The following EPS15 variants were observed in gnomAD, a reference collection of about 807,000 sequenced individuals.
EPS15 encodes the protein epidermal growth factor receptor substrate 15.
Under a neutral mutation model 113.8 loss-of-function variants are expected in EPS15, and 72 were observed. The observed-to-expected ratio is 0.63, with a 90% CI of 0.52 to 0.77. The LOEUF is 0.77. Ranked by LOEUF, EPS15 falls within the 30% of genes least tolerant of loss-of-function variation. EPS15 has a pLI of 0.00. For synonymous variants in EPS15, 344 were observed against 363.4 expected, an observed-to-expected ratio of 0.95 and a Z score of 0.61; for missense variants, 1,048 against 1,045.8, an observed-to-expected ratio of 1.00 and a Z score of -0.03.
At chr1:51,484,512 T>G (rs1373276013) in intron 1 of EPS15, among the ~76,000 whole-genome samples, 1 of 152,218 alleles carries the variant, frequency 6.6e-6, no homozygotes, top group Non-Finnish European at 1.5e-5. Flanking sequence ...ATCTCTACTG[T>G]GTATATCTAG....
intron 12 of EPS15, among the ~76,000 whole-genome samples, chr1:51,430,977 T>TACACACAC (rs67920039): frequency 3.2e-4 from 39 of 122,084 alleles, no homozygotes; most frequent in East Asian, 2.0e-3. Context: ...ATTACTTACA[T>TACACACAC]ACACACACAC....
intron 4 of EPS15, among the ~76,000 whole-genome samples, chr1:51,470,301 A>G (rs1211293368): frequency 6.6e-6 from 1 of 152,204 alleles, no homozygotes; most frequent in African/African-American, 2.4e-5. Context: ...CATTTTTGTC[A>G]CATGGAAATT....
At chr1:51,394,650 A>G (rs1292138621) in intron 20 of EPS15, among the ~76,000 whole-genome samples, 2 of 152,232 alleles carry the variant, frequency 1.3e-5, no homozygotes, top group East Asian at 3.8e-4. Context: ...ACTGTGAAAT[A>G]TAACATCTAT....
At chr1:51,391,114 C>T (rs1647308202) in intron 21 of EPS15, among the ~76,000 whole-genome samples, 1 of 152,130 alleles carries the variant, frequency 6.6e-6, no homozygotes, top group Admixed American at 6.6e-5. Flanking sequence ...CACATATACA[C>T]CATGGAATAC....
chr1:51,458,636 C>T, intron 8 of EPS15: 1 of 409,722 alleles, frequency 2.4e-6, no homozygotes, highest in Non-Finnish European at 5.0e-6. Flanking sequence ...CCTCAGGAGG[C>T]TGAGGTGGAA....
intron 12 of EPS15, 119 bp from the exon 13 acceptor site, chr1:51,421,977 A>G: frequency 2.1e-6 from 3 of 1,427,932 alleles, no homozygotes; most frequent in Non-Finnish European, 2.8e-6. Context: ...TCAATTTTTA[A>G]ATGAAGGGCA....
chr1:51,361,175 C>T lies in EPS15; in HGVS notation c.2540G>A (p.Ser847Asn), dbSNP rs1046245249. Residue 847 changes from serine to asparagine, a missense_variant, in exon 24 of 25, where the codon AGT (serine) becomes AAT (asparagine). By Grantham distance (46) the Ser-to-Asn change is conservative. Transcript: ENST00000371733. ...CAGCTCATTCACAGTACTTACAGCACTGAAGTTGGCAAAATTGCTTGGATC... is the reference window on the plus strand; with the variant it reads ...CAGCTCATTCACAGTACTTACAGCATTGAAGTTGGCAAAATTGCTTGGATC... ...EADPSNFANF[S>N]AYPSEEDMIE... 1.2e-6 allele frequency: 2 copies of T among 1,613,212 alleles called. No homozygotes were observed. The highest frequency in any genetic ancestry group is 3.3e-5 in the Admixed American group (2 of 60,000).
At chr1:51,516,790 T>C (rs1302218309) in intron 1 of EPS15, among the ~76,000 whole-genome samples, 1 of 152,214 alleles carries the variant, frequency 6.6e-6, no homozygotes, top group Non-Finnish European at 1.5e-5. Flanking sequence ...CTTGAGCATG[T>C]TTAATCTCCA....
chr1:51,414,756 C>T (rs1214976094), intron 13 of EPS15, among the ~76,000 whole-genome samples: 8 of 151,996 alleles, frequency 5.3e-5, no homozygotes, highest in Admixed American at 5.2e-4. Context: ...GGACAAAAAA[C>T]ACAATTTACC....
chr1:51,357,477 G>C (rs1207782787), intron 24 of EPS15, among the ~76,000 whole-genome samples: 6 of 105,472 alleles, frequency 5.7e-5, no homozygotes, highest in African/African-American at 1.9e-4. Flanking sequence ...ACTAAAAAAA[G>C]TAGAAATGCT....
intron 12 of EPS15, among the ~76,000 whole-genome samples, chr1:51,439,745 T>C (rs990646328): frequency 1.2e-4 from 18 of 151,838 alleles, no homozygotes; most frequent in Non-Finnish European, 5.9e-5. Context: ...GGATCAGGTA[T>C]CAGCTCTGCA....
chr1:51,513,343 C>T (rs1051879346), intron 1 of EPS15, among the ~76,000 whole-genome samples: 1 of 152,102 alleles, frequency 6.6e-6, no homozygotes, highest in Non-Finnish European at 1.5e-5. Context: ...TAGAAATACC[C>T]TGAGGTTTTG....
At chr1:51,484,410 T>G (rs1644082338) in intron 1 of EPS15, among the ~76,000 whole-genome samples, 1 of 151,998 alleles carries the variant, frequency 6.6e-6, no homozygotes. Context: ...TAAAAAAATT[T>G]TTTAAATAAA....
At chr1:51,508,352 GAAAGAAA>G (rs1329641519) in intron 1 of EPS15, among the ~76,000 whole-genome samples, 1 of 146,016 alleles carries the variant, frequency 6.8e-6, no homozygotes, top group African/African-American at 2.6e-5. Flanking sequence ...AAGAAAGAAA[GAAAGAAA>G]GAAAGAAAGA....
At chr1:51,373,514 A>T (rs1039247365) in intron 21 of EPS15, among the ~76,000 whole-genome samples, 2 of 152,222 alleles carry the variant, frequency 1.3e-5, no homozygotes, top group Non-Finnish European at 2.9e-5. Flanking sequence ...AATTATCCCC[A>T]TCTTCAAAGA....
intron 12 of EPS15, among the ~76,000 whole-genome samples, chr1:51,437,032 C>A (rs1397906178): frequency 6.6e-6 from 1 of 152,172 alleles, no homozygotes; most frequent in Non-Finnish European, 1.5e-5. Context: ...CTAATTTAAT[C>A]TAATTGGCAT....
chr1:51,361,369 AT>A lies in EPS15; in HGVS notation c.2360-15del. On this transcript the variant is annotated splice_polypyrimidine_tract_variant and intron_variant, in intron 23 of 24. Coordinates refer to ENST00000371733, the MANE Select transcript of EPS15 (RefSeq NM_001981.3). ...TGGATCTTTTCCCTGGATCAAAATC[AT>A]TACAATTAATTCAACCAGTAAATAC... 1 of 1,594,284 alleles carries A rather than the reference AT, an allele frequency of 6.3e-7. No homozygotes were observed. The highest frequency in any genetic ancestry group is 8.6e-7 in the Non-Finnish European group (1 of 1,164,058).
At chr1:51,371,018 C>T (rs568723085) in intron 21 of EPS15, among the ~76,000 whole-genome samples, 3 of 152,044 alleles carry the variant, frequency 2.0e-5, no homozygotes, top group African/African-American at 4.8e-5. Context: ...CGGGTTAAAG[C>T]GATTCTTGTG....
In EPS15 at chr1:51,470,945, T is replaced by C. The variant is rs982411004; in HGVS notation, c.213+745A>G. On this transcript the variant is annotated intron_variant, in intron 4 of 24. Coordinates refer to ENST00000371733, the MANE Select transcript of EPS15 (RefSeq NM_001981.3). ...GAATTTTGTTTTCCTATACCTCCAA[T>C]ACACCAAAGTAGCCCTTCTACCCAG... Among the ~76,000 whole-genome samples, 26 of 152,102 alleles carry C rather than the reference T, an allele frequency of 1.7e-4. 1 individual carries two copies. Among genetic ancestry groups the C allele is most frequent in the Non-Finnish European group, 1.3e-4 (9 of 68,018 alleles).
Sources: allele counts gnomAD v4.1 joint callset (sites outside exome capture counted in the v4.1 genomes callset), GRCh38; gene constraint gnomAD v4.1.1; transcripts MANE v1.5; gene names NCBI Gene and HGNC (gene_info 2026-07-23, HGNC 2026-07-21).